The following EYS variants were observed in gnomAD, a reference collection of about 807,000 sequenced individuals.
The protein encoded by EYS is EGF-like photoreceptor maintenance factor, also known as protein eyes shut homolog.
In EYS, 250 loss-of-function variants were observed where a neutral mutation model predicts 282.1. That is an observed-to-expected ratio of 0.89 (90% CI 0.80 to 0.98). The LOEUF (loss-of-function observed/expected upper bound fraction) is 0.98, where lower values mean the gene tolerates loss of function less well. EYS is among the 50% of genes least tolerant of loss of function. EYS has a pLI of 0.00. For synonymous variants in EYS, 1,355 were observed against 1,282.9 expected, an observed-to-expected ratio of 1.06 and a Z score of -1.20; for missense variants, 4,016 against 3,709.0, an observed-to-expected ratio of 1.08 and a Z score of -2.15.
chr6:65,224,097 A>T (rs1766551385), intron 12 of EYS, among the ~76,000 whole-genome samples: 1 of 152,194 alleles, frequency 6.6e-6, no homozygotes, highest in African/African-American at 2.4e-5. Flanking sequence ...TAGTCCATCC[A>T]ACAACAGCAA....
At chr6:64,885,912 G>A (rs1417460229) in intron 19 of EYS, among the ~76,000 whole-genome samples, 1 of 151,640 alleles carries the variant, frequency 6.6e-6, no homozygotes, top group African/African-American at 2.4e-5. Flanking sequence ...CCTAATATTA[G>A]ATGTATTTAA....
At chr6:63,722,511 A>G (rs1364300619) in intron 42 of EYS, among the ~76,000 whole-genome samples, 4 of 152,190 alleles carry the variant, frequency 2.6e-5, no homozygotes, top group African/African-American at 9.6e-5. Flanking sequence ...CCAGCATCTG[A>G]AGTTGCAATG....
intron 33 of EYS, among the ~76,000 whole-genome samples, chr6:64,026,549 G>T (rs1487790629): frequency 6.6e-6 from 1 of 152,146 alleles, no homozygotes; most frequent in Non-Finnish European, 1.5e-5. Flanking sequence ...CTATCCTGCA[G>T]CTTGACCTTT....
chr6:63,999,971 G>A (rs1238797243), intron 33 of EYS, among the ~76,000 whole-genome samples: 3 of 152,148 alleles, frequency 2.0e-5, no homozygotes, highest in Middle Eastern at 3.4e-3. Flanking sequence ...AGTTTATTTC[G>A]TAGGGACAAT....
intron 12 of EYS, among the ~76,000 whole-genome samples, chr6:65,113,531 G>T (rs1344367203): frequency 6.6e-6 from 1 of 151,974 alleles, no homozygotes; most frequent in East Asian, 1.9e-4. Context: ...ATAAGCCATG[G>T]TGCTTCAAAT....
chr6:64,341,924 G>A (rs1452090130), intron 29 of EYS, among the ~76,000 whole-genome samples: 1 of 151,550 alleles, frequency 6.6e-6, no homozygotes, highest in African/African-American at 2.4e-5. Flanking sequence ...ATTTAATAAT[G>A]GAGGAACATA....
intron 12 of EYS, among the ~76,000 whole-genome samples, chr6:65,189,279 A>C (rs542406685): frequency 1.6e-4 from 25 of 151,792 alleles, no homozygotes; most frequent in Non-Finnish European, 3.1e-4. Context: ...TTCAATATCA[A>C]CTTGCCCACT....
intron 14 of EYS, among the ~76,000 whole-genome samples, chr6:64,994,876 G>C (rs1771194629): frequency 6.6e-6 from 1 of 152,090 alleles, no homozygotes; most frequent in Non-Finnish European, 1.5e-5. Context: ...GAGCAAGAAA[G>C]CATTAACTCA....
intron 33 of EYS, among the ~76,000 whole-genome samples, chr6:64,041,355 TA>T (rs749384764): frequency 1.3e-5 from 2 of 152,142 alleles, no homozygotes; most frequent in Non-Finnish European, 2.9e-5. Context: ...CATACAAATT[TA>T]AAAGTTGGTT....
At chr6:64,173,985 A>C (rs570275939) in intron 31 of EYS, among the ~76,000 whole-genome samples, 2 of 152,316 alleles carry the variant, frequency 1.3e-5, no homozygotes, top group South Asian at 4.1e-4. Flanking sequence ...GCATTATTTT[A>C]CCTTAATAAG....
At chr6:64,116,089 C>G (rs900310459) in intron 31 of EYS, among the ~76,000 whole-genome samples, 3 of 151,838 alleles carry the variant, frequency 2.0e-5, no homozygotes, top group African/African-American at 7.3e-5. Context: ...AAGAGAAATT[C>G]AGGTAATACA....
At chr6:63,887,121 C>A (rs1773278943) in intron 35 of EYS, among the ~76,000 whole-genome samples, 1 of 152,082 alleles carries the variant, frequency 6.6e-6, no homozygotes, top group Non-Finnish European at 1.5e-5. Flanking sequence ...AGTGGGACAG[C>A]ATCTGCAGGC....
At chr6:64,169,929 T>C (rs1389419451) in intron 31 of EYS, among the ~76,000 whole-genome samples, 1 of 152,076 alleles carries the variant, frequency 6.6e-6, no homozygotes, top group East Asian at 1.9e-4. Context: ...AAGCTGAAGA[T>C]TAACACTGGG....
At chr6:64,988,057 G>A (rs147316147) in intron 14 of EYS, among the ~76,000 whole-genome samples, 16 of 151,374 alleles carry the variant, frequency 1.1e-4, no homozygotes, top group Non-Finnish European at 2.2e-4. Flanking sequence ...TTTTAAGAAT[G>A]TAGGGCAAAG....
chr6:64,348,453 T>TA (rs11397893), intron 29 of EYS, among the ~76,000 whole-genome samples: 150,719 of 151,372 alleles, frequency 1, 75,034 homozygotes, highest in Middle Eastern at 1. Flanking sequence ...CCCATGGAAG[T>TA]AACTTTCAGA....
chr6:64,910,769 T>C (rs897542899), intron 16 of EYS, among the ~76,000 whole-genome samples: 3 of 152,084 alleles, frequency 2.0e-5, no homozygotes, highest in African/African-American at 7.2e-5. Flanking sequence ...TTTCCAAACT[T>C]TCTTTCCCTA....
chr6:63,825,340 G>A (rs1237702331), intron 36 of EYS, among the ~76,000 whole-genome samples: 1 of 152,188 alleles, frequency 6.6e-6, no homozygotes, highest in East Asian at 1.9e-4. Flanking sequence ...AAGACAAAGG[G>A]CGTATAATCT....
chr6:65,609,332 T>C (rs1361213900), intron 2 of EYS, among the ~76,000 whole-genome samples: 8 of 62,574 alleles, frequency 1.3e-4, no homozygotes, highest in African/African-American at 5.3e-4. Flanking sequence ...GTATCCAAGA[T>C]AGCCAAAAAA....
At position 64,593,405 on chromosome 6, in the gene EYS, A is replaced by G; in HGVS notation, c.3685-96T>C. On this transcript the variant is annotated intron_variant, in intron 24 of 42. Transcript: ENST00000503581. ...TTTTGAGATCCATTTGCATTTCCAT[A>G]GACATATTGGATAGCTCAAATAAAA... 3.5e-6 allele frequency: 3 copies of G among 864,274 alleles called. No individual in the cohort carries two copies. In the South Asian group the frequency reaches 5.7e-5, roughly 16 times the overall value. The allele number at this position is 864,274 out of a possible 1,614,324, so 53.5% of individuals were successfully genotyped here.
Sources: allele counts gnomAD v4.1 joint callset (sites outside exome capture counted in the v4.1 genomes callset), GRCh38; gene constraint gnomAD v4.1.1; transcripts MANE v1.5; gene names NCBI Gene and HGNC (gene_info 2026-07-23, HGNC 2026-07-21).